Variants in CNTNAP5 observed in about 807,000 individuals in gnomAD.
CNTNAP5 encodes the protein contactin-associated protein-like 5.
CNTNAP5 carries 72 observed loss-of-function variants against 150.2 expected under a neutral mutation model. That is an observed-to-expected ratio of 0.48 (90% CI 0.40 to 0.58). The LOEUF is 0.58. Among genes scored for constraint, CNTNAP5 ranks in the 20% least tolerant of loss-of-function variants. CNTNAP5 has a pLI of 0.00. For missense variants in CNTNAP5, 1,636 were observed against 1,626.2 expected (o/e 1.01, Z -0.10); for synonymous variants, 672 against 619.8 (o/e 1.08, Z -1.25).
In CNTNAP5 at chr2:124,609,786, C is replaced by T. The variant is rs1415448219; in HGVS notation, c.1757-15C>T. 1 of 1,612,648 alleles carries T rather than the reference C, an allele frequency of 6.2e-7. No individual in the cohort carries two copies. Among genetic ancestry groups the T allele is most frequent in the Non-Finnish European group, 8.5e-7 (1 of 1,178,932 alleles). The stretch of plus-strand genomic sequence containing the variant: ...GCCAAGCAAAGTTTTATCTCTGCTG[C>T]CTTTGTCTTTCCAGCCATCTACGAG... On this transcript the variant is annotated splice_polypyrimidine_tract_variant and intron_variant, in intron 11 of 23. Transcript: ENST00000682447.
At chr2:124,904,683 G>T (rs555546761) in intron 22 of CNTNAP5, among the ~76,000 whole-genome samples, 3 of 152,134 alleles carry the variant, frequency 2.0e-5, no homozygotes, top group African/African-American at 4.8e-5. Context: ...ACATGCAAAA[G>T]AATAGAATTG....
At chr2:124,222,598 G>T (rs1686350424) in intron 2 of CNTNAP5, among the ~76,000 whole-genome samples, 1 of 151,938 alleles carries the variant, frequency 6.6e-6, no homozygotes, top group Middle Eastern at 3.4e-3. Context: ...GAGAGCTACG[G>T]GTCTATTAGA....
intron 17 of CNTNAP5, among the ~76,000 whole-genome samples, chr2:124,783,425 G>A (rs1681496244): frequency 1.3e-5 from 2 of 151,984 alleles, no homozygotes; most frequent in Admixed American, 6.6e-5. Context: ...TATTTCAAAA[G>A]ATCAATTAAA....
intron 1 of CNTNAP5, among the ~76,000 whole-genome samples, chr2:124,176,529 T>A (rs987044356): frequency 6.6e-6 from 1 of 152,124 alleles, no homozygotes; most frequent in Non-Finnish European, 1.5e-5. Context: ...GGCATACAAA[T>A]TTACTTGATT....
chr2:124,915,768 G>T lies in CNTNAP5; in HGVS notation c.*1480G>T, dbSNP rs556796017. Among the ~76,000 whole-genome samples, 1 of 152,082 alleles carries T rather than the reference G, an allele frequency of 6.6e-6. No individual in the cohort carries two copies. Among genetic ancestry groups the T allele is most frequent in the Non-Finnish European group, 1.5e-5 (1 of 67,960 alleles). Reference sequence around the variant, plus strand: ...ACCTTGAGCTCATCCATGGGGTGGCGGTAAAGATCTTAATGATTTTTCTGT... The same window carrying T: ...ACCTTGAGCTCATCCATGGGGTGGCTGTAAAGATCTTAATGATTTTTCTGT... On this transcript the variant is annotated 3_prime_UTR_variant, in exon 24 of 24. Coordinates refer to ENST00000682447, the MANE Select transcript of CNTNAP5 (RefSeq NM_001367498.1).
At chr2:124,052,397 G>A (rs1350242859) in intron 1 of CNTNAP5, among the ~76,000 whole-genome samples, 1 of 152,218 alleles carries the variant, frequency 6.6e-6, no homozygotes, top group Non-Finnish European at 1.5e-5. Context: ...TCAGATGTGA[G>A]TTAACAGGAC....
rs1221291466 is a variant in CNTNAP5, at chr2:124,242,217, C to G, written c.205C>G (p.Pro69Ala). The change falls in exon 3 of 24, where the codon CCA becomes GCA. Residue 69 changes from proline (P) to alanine (A), a missense_variant. Pro to Ala is a conservative substitution (Grantham distance 27). Transcript: ENST00000682447. ...NWRVGTGGWS[P>A]ADSNAQQWLQ... ...TGTTCCAGGAACTGGCGGTTGGTCC[C>G]CAGCAGATTCCAATGCTCAACAGTG... 1.9e-6 allele frequency: 3 copies of G among 1,592,210 alleles called. No individual in the cohort carries two copies. Among genetic ancestry groups the G allele is most frequent in the South Asian group, 1.1e-5 (1 of 88,018 alleles).
At chr2:124,433,715 C>T (rs1445822556) in intron 4 of CNTNAP5, among the ~76,000 whole-genome samples, 1 of 151,826 alleles carries the variant, frequency 6.6e-6, no homozygotes, top group African/African-American at 2.4e-5. Flanking sequence ...AAAAAACCCG[C>T]AAAAATAACC....
intron 11 of CNTNAP5, among the ~76,000 whole-genome samples, chr2:124,584,944 G>C (rs1238585166): frequency 1.3e-5 from 2 of 152,194 alleles, no homozygotes; most frequent in African/African-American, 2.4e-5. Flanking sequence ...ACTAATGGGG[G>C]TGGCTTTGGG....
intron 19 of CNTNAP5, among the ~76,000 whole-genome samples, chr2:124,802,035 T>C (rs888044886): frequency 6.6e-6 from 1 of 152,158 alleles, no homozygotes; most frequent in Non-Finnish European, 1.5e-5. Flanking sequence ...AAGATAGCCT[T>C]GGGAATCTGG....
chr2:124,347,979 C>A (rs1031444164), intron 3 of CNTNAP5, among the ~76,000 whole-genome samples: 1 of 152,052 alleles, frequency 6.6e-6, no homozygotes. Context: ...AGGCACCTGC[C>A]ACCACGCCCG....
intron 12 of CNTNAP5, among the ~76,000 whole-genome samples, chr2:124,627,825 G>A (rs1476016119): frequency 2.6e-5 from 4 of 152,156 alleles, no homozygotes; most frequent in African/African-American, 9.7e-5. Flanking sequence ...CATGATAAAA[G>A]ATTACAGCAG....
intron 14 of CNTNAP5, among the ~76,000 whole-genome samples, chr2:124,758,539 T>C (rs1485918211): frequency 6.6e-6 from 1 of 151,954 alleles, no homozygotes; most frequent in Middle Eastern, 3.2e-3. Flanking sequence ...ACATGTTCCA[T>C]GGAAACTAGC....
chr2:124,307,302 C>T (rs1688717575), intron 3 of CNTNAP5, among the ~76,000 whole-genome samples: 1 of 152,088 alleles, frequency 6.6e-6, no homozygotes, highest in Non-Finnish European at 1.5e-5. Flanking sequence ...GGACACAATC[C>T]TATCATGGTG....
chr2:124,507,892 G>A (rs1194881701), intron 8 of CNTNAP5, among the ~76,000 whole-genome samples: 3 of 152,152 alleles, frequency 2.0e-5, no homozygotes, highest in Non-Finnish European at 2.9e-5. Flanking sequence ...GTGAGAAAAA[G>A]CACCCAAATA....
intron 1 of CNTNAP5, among the ~76,000 whole-genome samples, chr2:124,129,105 A>T (rs1683786524): frequency 6.6e-6 from 1 of 152,106 alleles, no homozygotes; most frequent in Non-Finnish European, 1.5e-5. Flanking sequence ...AACAGAAAAA[A>T]AAAGAAAGAA....
intron 3 of CNTNAP5, among the ~76,000 whole-genome samples, chr2:124,408,584 C>T (rs1454040996): frequency 6.6e-6 from 1 of 151,896 alleles, no homozygotes; most frequent in African/African-American, 2.4e-5. Flanking sequence ...CCCCTGACCC[C>T]CGAGCAGCCT....
At chr2:124,872,803 G>GA (rs1237419995) in intron 21 of CNTNAP5, among the ~76,000 whole-genome samples, 195 of 147,192 alleles carry the variant, frequency 1.3e-3, no homozygotes, top group Middle Eastern at 3.4e-3. Flanking sequence ...TGTTAAAAAT[G>GA]AAAAAAAAAA....
intron 11 of CNTNAP5, among the ~76,000 whole-genome samples, chr2:124,564,635 T>G (rs1335031739): frequency 6.6e-6 from 1 of 152,180 alleles, no homozygotes; most frequent in Non-Finnish European, 1.5e-5. Flanking sequence ...ATTACAGGCC[T>G]GAGCCACTGT....
Sources: gnomAD v4.1 joint callset for allele counts (sites outside exome capture counted in the v4.1 genomes callset) on GRCh38, gnomAD v4.1.1 for gene constraint, MANE v1.5 for transcripts, NCBI Gene and HGNC (gene_info 2026-07-23, HGNC 2026-07-21) for gene names.